The following MCC variants were observed in gnomAD, a reference collection of about 807,000 sequenced individuals.
The protein encoded by MCC is colorectal mutant cancer protein.
A neutral mutation model predicts 116.2 loss-of-function variants in MCC; 90 were observed. The ratio of observed to expected loss-of-function variants is 0.77; its 90% CI spans 0.65 to 0.92. The LOEUF (loss-of-function observed/expected upper bound fraction) is 0.92. MCC is among the 40% of genes least tolerant of loss of function. The pLI, the probability that MCC is intolerant of heterozygous loss-of-function variation, is 0.00. For missense variants in MCC, 1,516 were observed against 1,312.2 expected, an observed-to-expected ratio of 1.16 and a Z score of -2.40; for synonymous variants, 578 against 510.5, an observed-to-expected ratio of 1.13 and a Z score of -1.78.
In MCC at chr5:113,488,153, C is replaced by T. The variant is rs529052835; in HGVS notation, c.170+92G>A. 7 of 1,309,188 alleles carry T rather than the reference C, an allele frequency of 5.3e-6. No homozygotes were observed. The South Asian group carries it at 5.5e-5, about 10-fold the overall frequency. 81.1% of individuals were successfully genotyped at this position (1,309,188 alleles called of 1,614,324 possible). ...TCCCGCGAGCTTCTGAGCAACTTGC[C>T]GCAAGTTGGGGCGAGGGGGCAGAGC... On this transcript the variant is annotated intron_variant, in intron 1 of 18. Transcript: ENST00000408903.
intron 3 of MCC, among the ~76,000 whole-genome samples, chr5:113,209,799 T>A (rs891532021): frequency 6.6e-6 from 1 of 152,128 alleles, no homozygotes; most frequent in African/African-American, 2.4e-5. Flanking sequence ...GGGCTCCCAT[T>A]GCATTCATCT....
intron 3 of MCC, among the ~76,000 whole-genome samples, chr5:113,319,999 C>T (rs1455286520): frequency 6.6e-6 from 1 of 152,204 alleles, no homozygotes; most frequent in African/African-American, 2.4e-5. Context: ...AACAGCATGG[C>T]TATTACAGTA....
intron 6 of MCC, among the ~76,000 whole-genome samples, chr5:113,118,586 T>C (rs1308249022): frequency 6.6e-6 from 1 of 152,228 alleles, no homozygotes. Context: ...TCCTGTTATC[T>C]TTGGAGATCG....
At chr5:113,415,848 C>T (rs1449477473) in intron 1 of MCC, among the ~76,000 whole-genome samples, 9 of 152,176 alleles carry the variant, frequency 5.9e-5, no homozygotes, top group Non-Finnish European at 8.8e-5. Flanking sequence ...GGAGAAAAGG[C>T]GCTCTGGTTT....
intron 3 of MCC, 91 bp from the exon 4 acceptor site, chr5:113,151,513 G>A: frequency 1.5e-6 from 1 of 687,436 alleles, no homozygotes; most frequent in Non-Finnish European, 2.5e-6. Flanking sequence ...CAAATAAAAA[G>A]CCTATCATCC....
intron 4 of MCC, among the ~76,000 whole-genome samples, chr5:113,150,455 A>G (rs1482742051): frequency 6.6e-6 from 1 of 152,196 alleles, no homozygotes; most frequent in Non-Finnish European, 1.5e-5. Context: ...TCCAGATAAT[A>G]GCCTACTATT....
At chr5:113,148,882 TA>T (rs753728274) in intron 4 of MCC, among the ~76,000 whole-genome samples, 45 of 152,220 alleles carry the variant, frequency 3.0e-4, no homozygotes, top group Non-Finnish European at 5.7e-4. Context: ...TCATCAAGGG[TA>T]AAATCAGTCA....
intron 1 of MCC, among the ~76,000 whole-genome samples, chr5:113,404,584 A>T (rs146222827): frequency 4.5e-4 from 68 of 152,358 alleles, no homozygotes; most frequent in African/African-American, 1.6e-3. Flanking sequence ...CTTTTGGTTC[A>T]GCGATTCCAT....
intron 3 of MCC, among the ~76,000 whole-genome samples, chr5:113,300,530 T>C (rs1766836162): frequency 6.6e-6 from 1 of 152,150 alleles, no homozygotes; most frequent in South Asian, 2.1e-4. Flanking sequence ...ATTCTTAAAT[T>C]GGTGGGATTT....
chr5:113,149,376 G>C (rs917830524), intron 4 of MCC, among the ~76,000 whole-genome samples: 4 of 151,822 alleles, frequency 2.6e-5, no homozygotes, highest in Non-Finnish European at 4.4e-5. Flanking sequence ...AATATTTTAA[G>C]TAACATTTTC....
intron 3 of MCC, among the ~76,000 whole-genome samples, chr5:113,165,198 G>A (rs1436742525): frequency 6.6e-6 from 1 of 152,212 alleles, no homozygotes; most frequent in Admixed American, 6.5e-5. Context: ...GGTGGTTTGA[G>A]TCTAGCTTGA....
intron 3 of MCC, among the ~76,000 whole-genome samples, chr5:113,157,454 C>A (rs1268697855): frequency 6.6e-6 from 1 of 152,212 alleles, no homozygotes; most frequent in Non-Finnish European, 1.5e-5. Flanking sequence ...AAGGCACCTG[C>A]AGCCACAGGT....
intron 2 of MCC, among the ~76,000 whole-genome samples, chr5:113,376,078 G>T (rs1344122040): frequency 6.6e-6 from 1 of 152,100 alleles, no homozygotes; most frequent in Non-Finnish European, 1.5e-5. Flanking sequence ...GATAAGAGTA[G>T]ATTTAAAATA....
Position 113,062,481 on chromosome 5 carries a change from A to C in MCC, c.2213+1503T>G, listed in dbSNP as rs78142807. On this transcript the variant is annotated intron_variant, in intron 14 of 18. Transcript: ENST00000408903. ...AATGATCCGTAGCACAAACCTCATA[A>C]GCTACTGAAACAGCACACATTTCCT... 3.5e-4 allele frequency among the ~76,000 whole-genome samples: 54 copies of C among 152,320 alleles called. No homozygotes were observed. The East Asian group carries it at 0.01, about 28-fold the overall frequency.
rs575498640 is a variant in MCC, at chr5:113,102,974, C to T, written c.1192-1029G>A. On this transcript the variant is annotated intron_variant, in intron 7 of 18. Transcript: ENST00000408903. Reference sequence around the variant, plus strand: ...ACTAAAAATACAAAATTTAGCCGGGCGTGGTGGCGCCCGCCTGTAATCCCA... The same window carrying T: ...ACTAAAAATACAAAATTTAGCCGGGTGTGGTGGCGCCCGCCTGTAATCCCA... Among the ~76,000 whole-genome samples the T allele has an allele frequency of 2.4e-4, 36 of 151,912 alleles. 1 individual carries two copies. Among genetic ancestry groups the T allele is most frequent in the Admixed American group, 7.9e-4 (12 of 15,258 alleles).
chr5:113,239,532 C>T (rs548978640), intron 3 of MCC, among the ~76,000 whole-genome samples: 1 of 152,200 alleles, frequency 6.6e-6, no homozygotes, highest in Admixed American at 6.5e-5. Flanking sequence ...TGCTGAAATC[C>T]ATTTGTGGAT....
intron 1 of MCC, among the ~76,000 whole-genome samples, chr5:113,409,547 T>A (rs1580341937): frequency 6.6e-6 from 1 of 152,148 alleles, no homozygotes; most frequent in East Asian, 1.9e-4. Flanking sequence ...AGATGGGGTC[T>A]CACTATGTAG....
chr5:113,106,668 T>C (rs1365407057), intron 6 of MCC, among the ~76,000 whole-genome samples: 1 of 152,216 alleles, frequency 6.6e-6, no homozygotes, highest in Non-Finnish European at 1.5e-5. Context: ...CAACCTATCG[T>C]CCCACCTCAG....
At chr5:113,386,753 TCA>T (rs1491554739) in intron 1 of MCC, among the ~76,000 whole-genome samples, 1 of 72,586 alleles carries the variant, frequency 1.4e-5, no homozygotes, top group East Asian at 2.7e-4. Flanking sequence ...CATATGTATA[TCA>T]TATATATATA....
Sources: gnomAD v4.1 joint callset for allele counts (sites outside exome capture counted in the v4.1 genomes callset) on GRCh38, gnomAD v4.1.1 for gene constraint, MANE v1.5 for transcripts, NCBI Gene and HGNC (gene_info 2026-07-23, HGNC 2026-07-21) for gene names.